Variants in FNBP1L observed in about 807,000 individuals in gnomAD.
The protein encoded by FNBP1L is formin binding protein 1 like, also known as formin-binding protein 1-like.
Under a neutral mutation model 91.2 loss-of-function variants are expected in FNBP1L, and 36 were observed. The ratio of observed to expected loss-of-function variants is 0.39; its 90% CI spans 0.30 to 0.52. The LOEUF (loss-of-function observed/expected upper bound fraction) is 0.52, where lower values mean the gene tolerates loss of function less well. FNBP1L is among the 20% of genes least tolerant of loss of function. The pLI is 0.66. For missense variants in FNBP1L, 571 were observed against 732.1 expected (o/e 0.78, Z 2.54); for synonymous variants, 242 against 237.0 (o/e 1.02, Z -0.19).
chr1:93,493,428 AT>A (rs927994770), intron 1 of FNBP1L, among the ~76,000 whole-genome samples: 49 of 152,318 alleles, frequency 3.2e-4, no homozygotes, highest in African/African-American at 1.1e-3. Context: ...GTTTAGTGGC[AT>A]TAAGTGCGTT....
intron 7 of FNBP1L, among the ~76,000 whole-genome samples, chr1:93,531,444 T>G (rs1399188606): frequency 1.3e-5 from 2 of 152,188 alleles, no homozygotes. Context: ...GAGGGTTAAA[T>G]TATTTAATTG....
At chr1:93,542,278 C>G (rs1263397053) in intron 11 of FNBP1L, among the ~76,000 whole-genome samples, 1 of 151,764 alleles carries the variant, frequency 6.6e-6, no homozygotes, top group Non-Finnish European at 1.5e-5. Flanking sequence ...GAATGAGACC[C>G]TATCTCTACA....
chr1:93,509,098 C>T (rs1670729415), intron 2 of FNBP1L, among the ~76,000 whole-genome samples: 1 of 152,142 alleles, frequency 6.6e-6, no homozygotes, highest in South Asian at 2.1e-4. Context: ...GTCACCGTGA[C>T]CACAGGTTCA....
chr1:93,538,916 A>T (rs1425067072), intron 10 of FNBP1L, among the ~76,000 whole-genome samples: 4 of 152,004 alleles, frequency 2.6e-5, no homozygotes, highest in African/African-American at 7.2e-5. Context: ...TAAATTAAGG[A>T]TATGAAAAAT....
intron 16 of FNBP1L, chr1:93,552,157 C>G (rs1264704461): frequency 1.6e-6 from 2 of 1,221,416 alleles, no homozygotes; most frequent in Non-Finnish European, 2.0e-6. Context: ...GTTGGAAACA[C>G]TGTGCAGTCA....
chr1:93,450,135 AC>A (rs1194087860), intron 1 of FNBP1L, among the ~76,000 whole-genome samples: 4 of 152,188 alleles, frequency 2.6e-5, no homozygotes, highest in Non-Finnish European at 1.5e-5. Flanking sequence ...TTAAGGAAAA[AC>A]ATTTTAGTGA....
At chr1:93,475,869 G>A (rs910369841) in intron 1 of FNBP1L, among the ~76,000 whole-genome samples, 4 of 152,180 alleles carry the variant, frequency 2.6e-5, no homozygotes, top group African/African-American at 9.7e-5. Context: ...TTACAGAGTT[G>A]TGAAATATAA....
intron 5 of FNBP1L, among the ~76,000 whole-genome samples, chr1:93,526,480 A>G (rs1037726486): frequency 3.3e-5 from 5 of 152,152 alleles, no homozygotes; most frequent in Admixed American, 1.3e-4. Flanking sequence ...TTCACTTCCA[A>G]CTATCCCATT....
At chr1:93,532,856 AT>A in intron 7 of FNBP1L, 65 bp from the exon 8 acceptor site, 1 of 1,241,608 alleles carries the variant, frequency 8.1e-7, no homozygotes, top group Non-Finnish European at 1.1e-6. Context: ...GGGATCACTA[AT>A]TGAACTCCTT....
At position 93,554,263 on chromosome 1, in the gene FNBP1L, T is replaced by G. The variant is rs1235172319; in HGVS notation, c.*1847T>G. The G allele has an allele frequency of 6.5e-6, 1 of 152,696 alleles. No individual in the cohort carries two copies. The highest frequency in any genetic ancestry group is 1.5e-5 in the Non-Finnish European group (1 of 68,044). 9.5% of individuals were successfully genotyped at this position (152,696 alleles called of 1,614,324 possible). On this transcript the variant is annotated 3_prime_UTR_variant, in exon 17 of 17. Transcript: ENST00000271234. Reference sequence around the variant, plus strand: ...AGGAGGAAATGTGATCTGGCTGTGTTTGTCTTCTGTACAAAGCCTGAAGTG... The same window carrying G: ...AGGAGGAAATGTGATCTGGCTGTGTGTGTCTTCTGTACAAAGCCTGAAGTG...
intron 2 of FNBP1L, among the ~76,000 whole-genome samples, chr1:93,510,856 C>T (rs866094304): frequency 4.6e-5 from 7 of 151,788 alleles, no homozygotes; most frequent in South Asian, 2.1e-4. Context: ...AGGGTATCAG[C>T]GATGGAAGAT....
intron 11 of FNBP1L, among the ~76,000 whole-genome samples, chr1:93,541,419 G>T (rs1015109157): frequency 1.3e-5 from 2 of 152,038 alleles, no homozygotes; most frequent in Non-Finnish European, 2.9e-5. Flanking sequence ...TTAAAAAATC[G>T]TATAAATTTG....
intron 7 of FNBP1L, among the ~76,000 whole-genome samples, chr1:93,532,478 A>G (rs888647204): frequency 6.6e-6 from 1 of 151,182 alleles, no homozygotes; most frequent in African/African-American, 2.4e-5. Context: ...TCAAAAAAAA[A>G]AAAAAAAAAA....
chr1:93,480,945 C>T (rs539296739), intron 1 of FNBP1L, among the ~76,000 whole-genome samples: 1 of 152,212 alleles, frequency 6.6e-6, no homozygotes, highest in South Asian at 2.1e-4. Flanking sequence ...TTGTATCTCA[C>T]ATCTTCCAAT....
rs1672472417 is a variant in FNBP1L at position 93,553,156 on chromosome 1, G to A, written c.*740G>A. 1 of 152,644 alleles carries A rather than the reference G, an allele frequency of 6.6e-6. No individual in the cohort carries two copies. Among genetic ancestry groups the A allele is most frequent in the Admixed American group, 6.5e-5 (1 of 15,286 alleles). 9.5% of individuals were successfully genotyped at this position (152,644 alleles called of 1,614,324 possible). A position where few individuals can be genotyped will look rare whatever the true frequency, so the allele number is the denominator to read the frequency against. ...CAGTTGAAAGAACTCTTTGAAACGT[G>A]ATACATCTTCAGCACCTCAGTCTGG... is the stretch of plus-strand genomic sequence containing the variant. On this transcript the variant is annotated 3_prime_UTR_variant, in exon 17 of 17. Coordinates refer to ENST00000271234, the MANE Select transcript of FNBP1L (RefSeq NM_001164473.3).
rs549102008 is a variant in FNBP1L at position 93,524,244 on chromosome 1, G to A, written c.343-17G>A. The A allele has an allele frequency of 2.3e-5, 33 of 1,431,994 alleles. No homozygotes were observed. In the South Asian group the frequency reaches 2.4e-4, roughly 11 times the overall value. The allele number at this position is 1,431,994 out of a possible 1,614,324, so 88.7% of individuals were successfully genotyped here. A position where few individuals can be genotyped will look rare whatever the true frequency, so the allele number is the denominator to read the frequency against. On this transcript the variant is annotated splice_polypyrimidine_tract_variant and intron_variant, in intron 4 of 16. Transcript: ENST00000271234. Reference sequence around the variant, plus strand: ...TTTTTTATTTTTATTTTTTTTGGCCGTGGTTATAATCTTCAGCATCTGCAA... The same window carrying A: ...TTTTTTATTTTTATTTTTTTTGGCCATGGTTATAATCTTCAGCATCTGCAA...
chr1:93,463,482 C>G (rs1401304357), intron 1 of FNBP1L, among the ~76,000 whole-genome samples: 1 of 152,116 alleles, frequency 6.6e-6, no homozygotes, highest in Non-Finnish European at 1.5e-5. Context: ...CGTCTGTGTA[C>G]ATATTTATAA....
At chr1:93,493,553 C>T (rs1448637920) in intron 1 of FNBP1L, among the ~76,000 whole-genome samples, 1 of 152,162 alleles carries the variant, frequency 6.6e-6, no homozygotes, top group Non-Finnish European at 1.5e-5. Context: ...CTGTCAACTA[C>T]CATTCTACTT....
At chr1:93,466,205 A>G (rs955014612) in intron 1 of FNBP1L, among the ~76,000 whole-genome samples, 2 of 152,060 alleles carry the variant, frequency 1.3e-5, no homozygotes, top group African/African-American at 2.4e-5. Context: ...CTTTAGTTTA[A>G]TTAGATCCCC....
Sources: allele counts gnomAD v4.1 joint callset (sites outside exome capture counted in the v4.1 genomes callset), GRCh38; gene constraint gnomAD v4.1.1; transcripts MANE v1.5; gene names NCBI Gene and HGNC (gene_info 2026-07-23, HGNC 2026-07-21).